AKAIN1: variants seen among roughly 807,000 people sequenced by gnomAD.
AKAIN1 encodes the protein A-kinase anchor inhibitor 1, also known as A-kinase anchor protein inhibitor 1.
Under a neutral mutation model 3.7 loss-of-function variants are expected in AKAIN1, and 3 were observed. The ratio of observed to expected loss-of-function variants is 0.82; its 90% CI spans 0.37 to 2.12. The LOEUF (loss-of-function observed/expected upper bound fraction) is 2.12, where lower values mean the gene tolerates loss of function less well. Among genes scored for constraint, AKAIN1 ranks in the 30% most tolerant of loss-of-function variants. The pLI, the probability that AKAIN1 is intolerant of heterozygous loss-of-function variation, is 0.06. For missense variants in AKAIN1, 82 were observed against 82.7 expected (o/e 0.99, Z 0.03); for synonymous variants, 31 against 30.8 (o/e 1.01, Z -0.02).
At chr18:5,188,577 C>A (rs1430837768) in intron 1 of AKAIN1, among the ~76,000 whole-genome samples, 2 of 152,092 alleles carry the variant, frequency 1.3e-5, no homozygotes, top group African/African-American at 4.8e-5. Context: ...AGCCAGCAGA[C>A]TTTACCTATC....
intron 1 of AKAIN1, among the ~76,000 whole-genome samples, chr18:5,162,195 CT>C (rs2071143320): frequency 6.6e-6 from 1 of 152,066 alleles, no homozygotes; most frequent in Non-Finnish European, 1.5e-5. Context: ...AGACTCTTCT[CT>C]TAGAAAGAAA....
At chr18:5,187,454 T>C (rs1388557933) in intron 1 of AKAIN1, among the ~76,000 whole-genome samples, 3 of 152,116 alleles carry the variant, frequency 2.0e-5, no homozygotes, top group African/African-American at 7.2e-5. Flanking sequence ...AAGTCCAAAA[T>C]CATGGCACTG....
rs2071037320 is a variant in AKAIN1 at position 5,144,425 on chromosome 18, T to C, written c.*1137A>G. On this transcript the variant is annotated 3_prime_UTR_variant, in exon 2 of 2. Transcript: ENST00000434239. ...AATGGGACTGTAGATACTCCAGAAATATGTGCATTATCCTCACAGAAGTGG... is the reference window on the plus strand; with the variant it reads ...AATGGGACTGTAGATACTCCAGAAACATGTGCATTATCCTCACAGAAGTGG... Among the ~76,000 whole-genome samples, 1 of 152,200 alleles carries C rather than the reference T, an allele frequency of 6.6e-6. No homozygotes were observed. Among genetic ancestry groups the C allele is most frequent in the Non-Finnish European group, 1.5e-5 (1 of 68,038 alleles).
At chr18:5,170,580 T>C (rs117848402) in intron 1 of AKAIN1, 1 of 152,260 alleles carries the variant, frequency 6.6e-6, no homozygotes, top group Non-Finnish European at 1.5e-5. Context: ...TATGTGTGTG[T>C]TGACTCATTT....
chr18:5,148,001 C>A (rs2071058874), intron 1 of AKAIN1, among the ~76,000 whole-genome samples: 2 of 152,328 alleles, frequency 1.3e-5, no homozygotes, highest in South Asian at 4.1e-4. Context: ...TACTTCACCT[C>A]AGTAAGCCTC....
chr18:5,171,290 T>C (rs1325354338), intron 1 of AKAIN1, among the ~76,000 whole-genome samples: 1 of 152,152 alleles, frequency 6.6e-6, no homozygotes, highest in Non-Finnish European at 1.5e-5. Context: ...CAAGGATTTC[T>C]TGAGAAATAC....
chr18:5,195,106 G>A (rs113880020), intron 1 of AKAIN1, among the ~76,000 whole-genome samples: 52 of 151,730 alleles, frequency 3.4e-4, no homozygotes, highest in African/African-American at 1.2e-3. Context: ...TGTCCCAAAT[G>A]CTTATGATTT....
chr18:5,143,197 TA>T lies in AKAIN1; in HGVS notation c.*2364del, dbSNP rs1733949578. ...CAAATGAAGTTCTGTAGGCCCCTTGTAAAATCTAGTAACTTTTTCTTCATAC... is the reference window on the plus strand; with the variant it reads ...CAAATGAAGTTCTGTAGGCCCCTTGTAAATCTAGTAACTTTTTCTTCATAC... On this transcript the variant is annotated 3_prime_UTR_variant, in exon 2 of 2. Transcript: ENST00000434239. 6.6e-6 allele frequency among the ~76,000 whole-genome samples: 1 copy of T among 152,256 alleles called. No individual in the cohort carries two copies. Among genetic ancestry groups the T allele is most frequent in the African/African-American group, 2.4e-5 (1 of 41,472 alleles).
chr18:5,166,906 T>C (rs953613981), intron 1 of AKAIN1, among the ~76,000 whole-genome samples: 9 of 152,100 alleles, frequency 5.9e-5, no homozygotes, highest in Admixed American at 2.6e-4. Flanking sequence ...ATAACATTTT[T>C]CACCATCTGC....
At chr18:5,164,180 G>T (rs374206685) in intron 1 of AKAIN1, among the ~76,000 whole-genome samples, 2 of 152,062 alleles carry the variant, frequency 1.3e-5, no homozygotes, top group African/African-American at 4.8e-5. Flanking sequence ...AATGCATGTA[G>T]AAATGATTTT....
At chr18:5,151,857 T>A (rs1175202685) in intron 1 of AKAIN1, among the ~76,000 whole-genome samples, 1 of 152,210 alleles carries the variant, frequency 6.6e-6, no homozygotes, top group Non-Finnish European at 1.5e-5. Flanking sequence ...GGCCAAAATG[T>A]TTCACTCATA....
intron 1 of AKAIN1, among the ~76,000 whole-genome samples, chr18:5,182,921 GAA>G (rs1301775073): frequency 3.3e-5 from 5 of 152,064 alleles, no homozygotes; most frequent in Non-Finnish European, 7.4e-5. Flanking sequence ...TAACTCTGAA[GAA>G]AAGGTGCTGG....
rs139107787 is a variant in AKAIN1 at position 5,182,122 on chromosome 18, T to G, written c.16+14916A>C. Among the ~76,000 whole-genome samples, 497 of 152,268 alleles carry G rather than the reference T, an allele frequency of 3.3e-3. 3 individuals are homozygous for G. Among genetic ancestry groups the G allele is most frequent in the African/African-American group, 0.011 (471 of 41,572 alleles). On this transcript the variant is annotated intron_variant, in intron 1 of 1. Transcript: ENST00000434239. ...GCAACTTTCCATGATTCATAACTTA[T>G]TCATCTCAGGATGCACTCAGACATC...
In AKAIN1 at chr18:5,154,729, C is replaced by T. The variant is rs146648005; in HGVS notation, c.17-8974G>A. On this transcript the variant is annotated intron_variant, in intron 1 of 1. Coordinates refer to ENST00000434239, the MANE Select transcript of AKAIN1 (RefSeq NM_001145194.2). ...TTCTTCCCTAACGATTAAACAGAAA[C>T]TAGCCCTCTCAAGAGACTCCACCTG... Among the ~76,000 whole-genome samples the T allele has an allele frequency of 1.8e-3, 273 of 152,060 alleles. 2 individuals carry two copies. Among genetic ancestry groups the T allele is most frequent in the African/African-American group, 6.2e-3 (258 of 41,494 alleles).
intron 1 of AKAIN1, among the ~76,000 whole-genome samples, chr18:5,172,922 T>C (rs2071205791): frequency 6.6e-6 from 1 of 152,112 alleles, no homozygotes; most frequent in Non-Finnish European, 1.5e-5. Context: ...GTTTGCAACA[T>C]AATTAGATAC....
chr18:5,169,462 C>T (rs918803585), intron 1 of AKAIN1, among the ~76,000 whole-genome samples: 1 of 152,084 alleles, frequency 6.6e-6, no homozygotes, highest in South Asian at 2.1e-4. Flanking sequence ...CTGCCTGAGA[C>T]CATGACAAAT....
chr18:5,178,032 G>A (rs908264266), intron 1 of AKAIN1, among the ~76,000 whole-genome samples: 3 of 152,050 alleles, frequency 2.0e-5, no homozygotes, highest in Admixed American at 6.6e-5. Context: ...AAACAGCCAG[G>A]CAAGAAAGAC....
At chr18:5,189,600 T>C (rs920930254) in intron 1 of AKAIN1, among the ~76,000 whole-genome samples, 8 of 152,210 alleles carry the variant, frequency 5.3e-5, no homozygotes, top group African/African-American at 1.9e-4. Flanking sequence ...ATGTCCTTGC[T>C]ACTTTATAAC....
intron 1 of AKAIN1, among the ~76,000 whole-genome samples, chr18:5,172,861 T>A (rs955814512): frequency 6.6e-6 from 1 of 152,092 alleles, no homozygotes; most frequent in Non-Finnish European, 1.5e-5. Flanking sequence ...AAAAGAGTTA[T>A]TATGGAAGAA....
Sources: gnomAD v4.1 joint callset for allele counts (sites outside exome capture counted in the v4.1 genomes callset) on GRCh38, gnomAD v4.1.1 for gene constraint, MANE v1.5 for transcripts, NCBI Gene and HGNC (gene_info 2026-07-23, HGNC 2026-07-21) for gene names.